Variants in LDB2 observed in about 807,000 individuals in gnomAD.
The protein encoded by LDB2 is LIM domain-binding protein 2.
In LDB2, 12 loss-of-function variants were observed where a neutral mutation model predicts 44.3. The ratio of observed to expected loss-of-function variants is 0.27; its 90% CI spans 0.17 to 0.44. LDB2 has a LOEUF of 0.44. Ranked by LOEUF, LDB2 falls within the 20% of genes least tolerant of loss-of-function variation. The probability of loss-of-function intolerance (pLI) is 1.00; values close to 1 mark genes in which losing one functional copy is unlikely to be tolerated. For synonymous variants in LDB2, 164 were observed against 174.8 expected, an observed-to-expected ratio of 0.94 and a Z score of 0.49; for missense variants, 344 against 473.5, an observed-to-expected ratio of 0.73 and a Z score of 2.54.
chr4:16,811,431 C>A (rs560163205), intron 1 of LDB2, among the ~76,000 whole-genome samples: 23 of 152,282 alleles, frequency 1.5e-4, no homozygotes, highest in African/African-American at 3.9e-4. Flanking sequence ...TGGTTTTAAT[C>A]AAGTATTCAC....
At chr4:16,732,627 C>T (rs753762152) in intron 2 of LDB2, among the ~76,000 whole-genome samples, 2 of 152,066 alleles carry the variant, frequency 1.3e-5, no homozygotes, top group Non-Finnish European at 2.9e-5. Context: ...AGCTATAGTT[C>T]TATATAGAAC....
At chr4:16,623,012 A>G (rs1162565158) in intron 2 of LDB2, among the ~76,000 whole-genome samples, 1 of 151,780 alleles carries the variant, frequency 6.6e-6, no homozygotes, top group East Asian at 1.9e-4. Context: ...TCACTATTCT[A>G]TTCCAAAACC....
chr4:16,620,262 T>C lies in LDB2; in HGVS notation c.236-24387A>G, dbSNP rs572796041. Reference sequence around the variant, plus strand: ...TTGCTGGATGACTGAGCTCACTGGATAGGCTCATATCAAGTCAGGCAGATA... The same window carrying C: ...TTGCTGGATGACTGAGCTCACTGGACAGGCTCATATCAAGTCAGGCAGATA... On this transcript the variant is annotated intron_variant, in intron 2 of 7. Coordinates refer to ENST00000304523, the MANE Select transcript of LDB2 (RefSeq NM_001290.5). Among the ~76,000 whole-genome samples the C allele has an allele frequency of 9.8e-5, 15 of 152,320 alleles. No homozygotes were observed. In the South Asian group the frequency reaches 3.1e-3, roughly 32 times the overall value.
At chr4:16,573,014 A>G (rs1747123141) in intron 5 of LDB2, among the ~76,000 whole-genome samples, 1 of 152,332 alleles carries the variant, frequency 6.6e-6, no homozygotes, top group African/African-American at 2.4e-5. Context: ...TCTCTCCTTT[A>G]TGGGCCCATG....
intron 2 of LDB2, among the ~76,000 whole-genome samples, chr4:16,617,296 C>A (rs560397336): frequency 6.6e-6 from 1 of 151,742 alleles, no homozygotes; most frequent in South Asian, 2.1e-4. Context: ...TACTGAAAAC[C>A]CTCCCCGGGA....
intron 1 of LDB2, among the ~76,000 whole-genome samples, chr4:16,883,029 C>T (rs538721421): frequency 6.6e-6 from 1 of 152,218 alleles, no homozygotes; most frequent in Admixed American, 6.5e-5. Flanking sequence ...GGAAAAAAAA[C>T]AACCATCGAG....
intron 1 of LDB2, among the ~76,000 whole-genome samples, chr4:16,860,915 TAA>T (rs35017642): frequency 2.7e-5 from 4 of 150,430 alleles, no homozygotes; most frequent in East Asian, 3.9e-4. Context: ...CCTACAGCTA[TAA>T]AAAAAAAATC....
chr4:16,863,078 G>T (rs72619121), intron 1 of LDB2, among the ~76,000 whole-genome samples: 38,722 of 152,028 alleles, frequency 0.25, 5,804 homozygotes, highest in East Asian at 0.68. Context: ...AAAACAACCT[G>T]GGCTTTGCTT....
chr4:16,718,412 C>A (rs1460845606), intron 2 of LDB2, among the ~76,000 whole-genome samples: 2 of 152,058 alleles, frequency 1.3e-5, no homozygotes, highest in African/African-American at 4.8e-5. Flanking sequence ...AAGAATTTTT[C>A]AAGATGAGAC....
intron 1 of LDB2, among the ~76,000 whole-genome samples, chr4:16,854,214 G>A (rs1379190393): frequency 1.3e-5 from 2 of 151,940 alleles, no homozygotes; most frequent in Admixed American, 1.3e-4. Flanking sequence ...CTTTACTATA[G>A]TAGCCTTTAT....
intron 2 of LDB2, among the ~76,000 whole-genome samples, chr4:16,737,443 G>A (rs1352536074): frequency 6.6e-6 from 1 of 151,932 alleles, no homozygotes; most frequent in East Asian, 1.9e-4. Flanking sequence ...TTTCTTTTGT[G>A]AATTTATTCT....
intron 2 of LDB2, among the ~76,000 whole-genome samples, chr4:16,670,389 C>T (rs956940444): frequency 6.6e-5 from 10 of 152,176 alleles, no homozygotes; most frequent in Middle Eastern, 3.2e-3. Context: ...AGGCTGAGTG[C>T]TGTGTTTATT....
At chr4:16,652,799 A>G (rs886404882) in intron 2 of LDB2, among the ~76,000 whole-genome samples, 3 of 152,146 alleles carry the variant, frequency 2.0e-5, no homozygotes, top group Non-Finnish European at 4.4e-5. Flanking sequence ...TCAGTCATTC[A>G]CGCAGCTCCC....
intron 1 of LDB2, among the ~76,000 whole-genome samples, chr4:16,796,545 G>A (rs1776782419): frequency 6.6e-6 from 1 of 152,132 alleles, no homozygotes; most frequent in Admixed American, 6.6e-5. Flanking sequence ...CCATGCAGAA[G>A]AATCACAAGT....
Position 16,502,392 on chromosome 4 carries a change from T to C in LDB2, c.*251A>G. ...GATGCGCTAGAGTTTTCTCTCATTT[T>C]AATTACAATCAGTGCCAGTATCTGT... On this transcript the variant is annotated 3_prime_UTR_variant, in exon 8 of 8. Transcript: ENST00000304523. 4.1e-6 allele frequency: 2 copies of C among 487,720 alleles called. No homozygotes were observed. The highest frequency in any genetic ancestry group is 3.2e-5 in the South Asian group (1 of 31,344). 30.2% of individuals were successfully genotyped at this position (487,720 alleles called of 1,614,324 possible). A position where few individuals can be genotyped will look rare whatever the true frequency, so the allele number is the denominator to read the frequency against.
At chr4:16,847,862 C>A (rs1164815802) in intron 1 of LDB2, among the ~76,000 whole-genome samples, 8 of 152,206 alleles carry the variant, frequency 5.3e-5, no homozygotes, top group Non-Finnish European at 1.0e-4. Flanking sequence ...GTGATCCACC[C>A]GCCTTGGCCT....
chr4:16,819,332 T>G (rs1444310319), intron 1 of LDB2, among the ~76,000 whole-genome samples: 1 of 152,050 alleles, frequency 6.6e-6, no homozygotes, highest in Non-Finnish European at 1.5e-5. Context: ...AAATGGCCAT[T>G]TGTTAGGTTA....
intron 1 of LDB2, among the ~76,000 whole-genome samples, chr4:16,829,315 A>T (rs1396854462): frequency 1.3e-5 from 2 of 152,340 alleles, no homozygotes; most frequent in Non-Finnish European, 2.9e-5. Context: ...ACCACCAGGA[A>T]TCCCCAGAAT....
rs534593307 is a variant in LDB2, at chr4:16,774,015, C to T, written c.133-14755G>A. Among the ~76,000 whole-genome samples the T allele has an allele frequency of 3.2e-3, 193 of 59,740 alleles. 2 individuals carry two copies. Among genetic ancestry groups the T allele is most frequent in the Middle Eastern group, 0.015 (1 of 68 alleles). 39.2% of individuals were successfully genotyped at this position (59,740 alleles called of 152,430 possible). On this transcript the variant is annotated intron_variant, in intron 1 of 7. Coordinates refer to ENST00000304523, the MANE Select transcript of LDB2 (RefSeq NM_001290.5). ...TAAAAATACAAAAAAAATAGCTGGG[C>T]GTGCTGGCGCATGCCTATAATCCCA... is the stretch of plus-strand genomic sequence containing the variant.
Sources: gnomAD v4.1 joint callset for allele counts (sites outside exome capture counted in the v4.1 genomes callset) on GRCh38, gnomAD v4.1.1 for gene constraint, MANE v1.5 for transcripts, NCBI Gene and HGNC (gene_info 2026-07-23, HGNC 2026-07-21) for gene names.